Variants in ZNF136 observed in about 807,000 individuals in gnomAD.
ZNF136 encodes the protein zinc finger protein 136.
ZNF136 carries 8 observed loss-of-function variants against 11.4 expected under a neutral mutation model. The observed-to-expected ratio is 0.70, with a 90% CI of 0.41 to 1.27. The LOEUF is 1.27. ZNF136 is among the 50% of genes most tolerant of loss of function. The pLI, the probability that ZNF136 is intolerant of heterozygous loss-of-function variation, is 0.01. For synonymous variants in ZNF136, 190 were observed against 207.1 expected (o/e 0.92, Z 0.71); for missense variants, 590 against 656.5 (o/e 0.90, Z 1.11).
At chr19:12,165,629 T>G (rs1202955627) in intron 1 of ZNF136, among the ~76,000 whole-genome samples, 1 of 152,200 alleles carries the variant, frequency 6.6e-6, no homozygotes, top group Non-Finnish European at 1.5e-5. Context: ...CCAGTACATT[T>G]GAGAGTCATG....
chr19:12,182,782 A>G (rs1185584646), intron 1 of ZNF136, among the ~76,000 whole-genome samples: 3 of 152,034 alleles, frequency 2.0e-5, no homozygotes, highest in African/African-American at 7.2e-5. Context: ...TGTCTCTGGG[A>G]AGGGTCGGTG....
intron 1 of ZNF136, among the ~76,000 whole-genome samples, chr19:12,180,216 G>T (rs1003729635): frequency 3.9e-5 from 6 of 152,210 alleles, no homozygotes; most frequent in Admixed American, 2.0e-4. Flanking sequence ...TTAGGCTAAT[G>T]CCTCTAGGAA....
chr19:12,166,615 C>T (rs529877868), intron 1 of ZNF136, among the ~76,000 whole-genome samples: 1 of 152,304 alleles, frequency 6.6e-6, no homozygotes, highest in African/African-American at 2.4e-5. Flanking sequence ...GACCTGGCAA[C>T]AACTAGGAAT....
At chr19:12,167,000 T>A (rs187406148) in intron 1 of ZNF136, among the ~76,000 whole-genome samples, 269 of 152,300 alleles carry the variant, frequency 1.8e-3, no homozygotes, top group Admixed American at 3.7e-3. Context: ...CAGAAAAGTG[T>A]TTTCTTTCAT....
chr19:12,167,829 C>T (rs1429215304), intron 1 of ZNF136, among the ~76,000 whole-genome samples: 1 of 152,142 alleles, frequency 6.6e-6, no homozygotes, highest in Non-Finnish European at 1.5e-5. Context: ...TAAACTAATT[C>T]TGTGAAAGCA....
chr19:12,185,590 C>A, intron 1 of ZNF136, 195 bp from the exon 2 acceptor site: 1 of 591,078 alleles, frequency 1.7e-6, no homozygotes, highest in Non-Finnish European at 2.7e-6. Context: ...GATGATCAGA[C>A]ACTGCTATTG....
chr19:12,171,817 T>A (rs911706907), intron 1 of ZNF136, among the ~76,000 whole-genome samples: 1 of 152,162 alleles, frequency 6.6e-6, no homozygotes, highest in East Asian at 1.9e-4. Flanking sequence ...AATTTTCTTG[T>A]AAGAGAACAT....
rs943439608 is a variant in ZNF136, at chr19:12,189,375, G to T, written c.*1374G>T. ...TCTTCTTTTTTCTTTTTGAGACAGG[G>T]TCTCGCTCTGTGCTCTGTTGCCCAA... On this transcript the variant is annotated 3_prime_UTR_variant, in exon 4 of 4. Coordinates refer to ENST00000343979, the MANE Select transcript of ZNF136 (RefSeq NM_003437.5). The T allele has an allele frequency of 1.3e-5, 2 of 151,604 alleles. No homozygotes were observed. The highest frequency in any genetic ancestry group is 2.1e-4 in the South Asian group (1 of 4,800). The allele number at this position is 151,604 out of a possible 1,614,324, so 9.4% of individuals were successfully genotyped here. A position where few individuals can be genotyped will look rare whatever the true frequency, so the allele number is the denominator to read the frequency against.
intron 1 of ZNF136, among the ~76,000 whole-genome samples, chr19:12,167,968 A>C (rs117562776): frequency 1.6e-4 from 25 of 151,922 alleles, no homozygotes; most frequent in Non-Finnish European, 2.9e-4. Flanking sequence ...ACTCATGCAA[A>C]GATACCTTTT....
Position 12,186,666 on chromosome 19 carries a change from C to T in ZNF136, c.288C>T (p.Ile96=). 1 of 1,614,082 alleles carries T rather than the reference C, an allele frequency of 6.2e-7. No individual in the cohort carries two copies. The highest frequency in any genetic ancestry group is 8.5e-7 in the Non-Finnish European group (1 of 1,180,004). ...CAAATCAGAATCTGAGCAAGAAAAT[C>T]CCTGGAGTGAAACTCTGTGAAAGCA... The part of the protein sequence containing the change: ...QFANQNLSKK[I]PGVKLCESIV... The change falls in exon 4 of 4, where the codon ATC becomes ATT. Residue 96 remains isoleucine, a synonymous_variant. Transcript: ENST00000343979.
chr19:12,179,117 T>TA (rs1380064751), intron 1 of ZNF136, among the ~76,000 whole-genome samples: 1 of 152,200 alleles, frequency 6.6e-6, no homozygotes, highest in African/African-American at 2.4e-5. Context: ...TCACAGTTTT[T>TA]ATCACAAGAA....
intron 1 of ZNF136, among the ~76,000 whole-genome samples, chr19:12,180,351 G>A (rs558611849): frequency 9.2e-5 from 14 of 152,138 alleles, no homozygotes; most frequent in Admixed American, 7.9e-4. Flanking sequence ...CAGAACTGTA[G>A]ACTCAGAACA....
chr19:12,172,676 A>G (rs1356812877), intron 1 of ZNF136, among the ~76,000 whole-genome samples: 1 of 152,180 alleles, frequency 6.6e-6, no homozygotes, highest in Non-Finnish European at 1.5e-5. Context: ...CTCGGAGGAG[A>G]CAATTCAACA....
chr19:12,183,627 T>C (rs1318578153), intron 1 of ZNF136, among the ~76,000 whole-genome samples: 3 of 152,096 alleles, frequency 2.0e-5, no homozygotes, highest in African/African-American at 7.2e-5. Context: ...AGACAGGGTC[T>C]TCCTCTTTTG....
chr19:12,168,530 C>T (rs542253059), intron 1 of ZNF136, among the ~76,000 whole-genome samples: 2 of 152,098 alleles, frequency 1.3e-5, no homozygotes, highest in East Asian at 3.9e-4. Flanking sequence ...GGAAGGGGGT[C>T]CTATACTCCC....
In ZNF136 at chr19:12,169,701, C is replaced by T. The variant is rs540051338; in HGVS notation, c.3+6495C>T. On this transcript the variant is annotated intron_variant, in intron 1 of 3. Coordinates refer to ENST00000343979, the MANE Select transcript of ZNF136 (RefSeq NM_003437.5). Reference sequence around the variant, plus strand: ...TTGGCTCACTGCAAGCCCAGCCTCCCGGGTTCATGCGATTCTCCTGCCTCA... The same window carrying T: ...TTGGCTCACTGCAAGCCCAGCCTCCTGGGTTCATGCGATTCTCCTGCCTCA... Among the ~76,000 whole-genome samples the T allele has an allele frequency of 9.2e-5, 14 of 152,046 alleles. No individual in the cohort carries two copies. The East Asian group carries it at 1.2e-3, about 13-fold the overall frequency.
At chr19:12,164,051 A>G (rs1263625046) in intron 1 of ZNF136, among the ~76,000 whole-genome samples, 1 of 152,128 alleles carries the variant, frequency 6.6e-6, no homozygotes, top group East Asian at 1.9e-4. Context: ...AGTCTCTTGG[A>G]GGATCTAGTG....
chr19:12,182,855 T>C (rs943973716), intron 1 of ZNF136, among the ~76,000 whole-genome samples: 1 of 152,180 alleles, frequency 6.6e-6, no homozygotes, highest in Non-Finnish European at 1.5e-5. Flanking sequence ...ATGACCTGAC[T>C]GGGCAGTTAA....
intron 1 of ZNF136, among the ~76,000 whole-genome samples, chr19:12,179,464 C>G (rs1244283304): frequency 6.6e-6 from 1 of 152,048 alleles, no homozygotes; most frequent in Admixed American, 6.6e-5. Context: ...GCACAGGTCA[C>G]CATGCCTGGT....
Sources: allele counts gnomAD v4.1 joint callset (sites outside exome capture counted in the v4.1 genomes callset), GRCh38; gene constraint gnomAD v4.1.1; transcripts MANE v1.5; gene names NCBI Gene and HGNC (gene_info 2026-07-23, HGNC 2026-07-21).